SHC4: variants seen among roughly 807,000 people sequenced by gnomAD.
SHC4 encodes SHC adaptor protein 4.
SHC4 carries 41 observed loss-of-function variants against 69.4 expected under a neutral mutation model. The ratio of observed to expected loss-of-function variants is 0.59; its 90% CI spans 0.46 to 0.77. SHC4 has a LOEUF of 0.77. SHC4 is among the 30% of genes least tolerant of loss of function. The pLI is 0.00. For missense variants in SHC4, 777 were observed against 783.8 expected, an observed-to-expected ratio of 0.99 and a Z score of 0.10; for synonymous variants, 318 against 299.3, an observed-to-expected ratio of 1.06 and a Z score of -0.64.
In SHC4 at chr15:48,834,815, T is replaced by C; in HGVS notation, c.1691A>G (p.Gln564Arg). Residue 564 changes from glutamine to arginine, a missense_variant, in exon 11 of 12, where the codon CAG becomes CGG. Coordinates refer to ENST00000332408, the MANE Select transcript of SHC4 (RefSeq NM_203349.4). The stretch of plus-strand genomic sequence containing the variant: ...GAGAAGATGTTTTGCTTGGCCTCCC[T>C]GTAGTCCACTCAGCACATATTGGCC... Reference protein sequence around the residue: ...SPGQYVLSGLQGGQAKHLLLV... With the variant: ...SPGQYVLSGLRGGQAKHLLLV... 6.2e-7 allele frequency: 1 copy of C among 1,614,206 alleles called. No individual in the cohort carries two copies. The highest frequency in any genetic ancestry group is 8.5e-7 in the Non-Finnish European group (1 of 1,180,026).
chr15:48,921,204 G>A (rs1351862903), intron 2 of SHC4, among the ~76,000 whole-genome samples: 2 of 152,094 alleles, frequency 1.3e-5, no homozygotes, highest in African/African-American at 4.8e-5. Context: ...AAATAAGCCA[G>A]ACAGAAAAGG....
Position 48,963,391 on chromosome 15 carries a change from C to A in SHC4, c.-376G>T. On this transcript the variant is annotated 5_prime_UTR_variant, in exon 1 of 12. Coordinates refer to ENST00000332408, the MANE Select transcript of SHC4 (RefSeq NM_203349.4). The stretch of plus-strand genomic sequence containing the variant: ...CGCTGCATCACTAGCCTTGCAGGAG[C>A]CTAGTAGAAATATTTAGCACCCGAC... The A allele has an allele frequency of 4.2e-6, 1 of 236,664 alleles. No homozygotes were observed. Among genetic ancestry groups the A allele is most frequent in the Non-Finnish European group, 8.2e-6 (1 of 121,724 alleles). The allele number at this position is 236,664 out of a possible 1,614,324, so 14.7% of individuals were successfully genotyped here.
intron 2 of SHC4, among the ~76,000 whole-genome samples, chr15:48,912,768 T>G (rs890994352): frequency 6.6e-6 from 1 of 152,206 alleles, no homozygotes; most frequent in African/African-American, 2.4e-5. Flanking sequence ...CAGATTCTTT[T>G]GTCCCACAGG....
rs1355232084 is a variant in SHC4, at chr15:48,849,726, G to A, written c.1303+1462C>T. ...TTAGGTTAAGAACCTCCAGGATGAC[G>A]GAAAGGAGAGAGGAAGGAAATATGG... On this transcript the variant is annotated intron_variant, in intron 9 of 11. Transcript: ENST00000332408. Among the ~76,000 whole-genome samples the A allele has an allele frequency of 6.6e-5, 10 of 152,272 alleles. No individual in the cohort carries two copies. In the South Asian group the frequency reaches 1.2e-3, roughly 19 times the overall value.
At chr15:48,937,080 G>A (rs1466584605) in intron 1 of SHC4, among the ~76,000 whole-genome samples, 2 of 152,214 alleles carry the variant, frequency 1.3e-5, no homozygotes. Flanking sequence ...TTCTGCTGCT[G>A]GGCATGGCCA....
chr15:48,948,373 C>T (rs962100401), intron 1 of SHC4, among the ~76,000 whole-genome samples: 21 of 152,224 alleles, frequency 1.4e-4, no homozygotes, highest in African/African-American at 2.4e-5. Flanking sequence ...ACCAACAAAT[C>T]GTGTTGCTGA....
intron 5 of SHC4, among the ~76,000 whole-genome samples, chr15:48,871,795 T>A (rs1899682554): frequency 6.6e-6 from 1 of 152,208 alleles, no homozygotes; most frequent in African/African-American, 2.4e-5. Flanking sequence ...CTAGATATTA[T>A]CAACAAGAAG....
At chr15:48,900,094 T>C (rs1900296570) in intron 2 of SHC4, among the ~76,000 whole-genome samples, 2 of 152,206 alleles carry the variant, frequency 1.3e-5, no homozygotes, top group Admixed American at 1.3e-4. Flanking sequence ...TCTATACGTT[T>C]GATGATATTC....
chr15:48,830,916 G>C (rs969647353), intron 11 of SHC4, among the ~76,000 whole-genome samples: 1 of 152,184 alleles, frequency 6.6e-6, no homozygotes, highest in South Asian at 2.1e-4. Flanking sequence ...CTCCATGCAA[G>C]TTATTGCTCC....
chr15:48,902,647 C>T (rs1900337841), intron 2 of SHC4, among the ~76,000 whole-genome samples: 1 of 152,056 alleles, frequency 6.6e-6, no homozygotes, highest in Non-Finnish European at 1.5e-5. Flanking sequence ...GACCCCTCCC[C>T]AGCAGCAGCA....
chr15:48,936,170 G>A (rs1173201735), intron 1 of SHC4, among the ~76,000 whole-genome samples: 1 of 152,064 alleles, frequency 6.6e-6, no homozygotes, highest in Non-Finnish European at 1.5e-5. Flanking sequence ...TTTTAAAATA[G>A]AAACATCTAT....
intron 6 of SHC4, among the ~76,000 whole-genome samples, chr15:48,858,065 G>A (rs1899365897): frequency 1.3e-5 from 2 of 152,114 alleles, no homozygotes; most frequent in Admixed American, 1.3e-4. Context: ...CAGGGATTTG[G>A]GGGCCACATT....
intron 2 of SHC4, among the ~76,000 whole-genome samples, chr15:48,917,243 TTGTGTGTGTGTGTGTG>T (rs3985853): frequency 0.047 from 6,433 of 137,200 alleles, 470 homozygotes; most frequent in African/African-American, 0.16. Context: ...ACCTGATTTC[TTGTGTGTGTGTGTGTG>T]TGTGTGTGTG....
chr15:48,939,931 T>C (rs541854453), intron 1 of SHC4, among the ~76,000 whole-genome samples: 1 of 152,340 alleles, frequency 6.6e-6, no homozygotes, highest in East Asian at 1.9e-4. Context: ...AGACTAGGCC[T>C]GCCATTGGAA....
chr15:48,941,398 G>A (rs1451525078), intron 1 of SHC4, among the ~76,000 whole-genome samples: 2 of 152,174 alleles, frequency 1.3e-5, no homozygotes, highest in African/African-American at 2.4e-5. Flanking sequence ...TTGATATGGA[G>A]ATGAGGCAGT....
At chr15:48,956,557 T>C (rs1400823399) in intron 1 of SHC4, among the ~76,000 whole-genome samples, 2 of 152,160 alleles carry the variant, frequency 1.3e-5, no homozygotes, top group Non-Finnish European at 2.9e-5. Flanking sequence ...TCCCATCCAC[T>C]ATCGCTCACC....
intron 9 of SHC4, among the ~76,000 whole-genome samples, chr15:48,846,367 T>C (rs897292003): frequency 6.6e-6 from 1 of 152,208 alleles, no homozygotes; most frequent in African/African-American, 2.4e-5. Context: ...GCCTGCCTTA[T>C]AGCAGGTATT....
chr15:48,884,159 C>T, intron 4 of SHC4, 89 bp downstream of exon 4: 1 of 1,385,546 alleles, frequency 7.2e-7, no homozygotes, highest in Non-Finnish European at 9.4e-7. Flanking sequence ...TGTAGGCATA[C>T]TCTGTCTAAA....
intron 2 of SHC4, among the ~76,000 whole-genome samples, chr15:48,901,966 C>T (rs1398992048): frequency 6.6e-6 from 1 of 152,006 alleles, no homozygotes; most frequent in African/African-American, 2.4e-5. Context: ...CTTTGGGAGG[C>T]CGAGACAGGC....
Sources: allele counts gnomAD v4.1 joint callset (sites outside exome capture counted in the v4.1 genomes callset), GRCh38; gene constraint gnomAD v4.1.1; transcripts MANE v1.5; gene names NCBI Gene and HGNC (gene_info 2026-07-23, HGNC 2026-07-21).